Variants in FRMD6 observed in about 807,000 individuals in gnomAD.
FRMD6 encodes FERM domain-containing protein 6.
FRMD6 carries 37 observed loss-of-function variants against 73.2 expected under a neutral mutation model. The observed-to-expected ratio is 0.51, with a 90% CI of 0.39 to 0.66. The LOEUF (loss-of-function observed/expected upper bound fraction) is 0.66. Ranked by LOEUF, FRMD6 falls within the 30% of genes least tolerant of loss-of-function variation. FRMD6 has a pLI of 0.00. For synonymous variants in FRMD6, 273 were observed against 282.2 expected, an observed-to-expected ratio of 0.97 and a Z score of 0.33; for missense variants, 714 against 780.5, an observed-to-expected ratio of 0.91 and a Z score of 1.02.
the FRMD6 span, among the ~76,000 whole-genome samples, chr14:51,406,539 C>T: frequency 2.0e-5 from 3 of 152,124 alleles, no homozygotes; most frequent in African/African-American, 7.2e-5. Context: ...TCTTTCACCT[C>T]CCTGGTTAGC....
At chr14:51,590,153 G>GA (rs1303715256) in intron 2 of FRMD6, among the ~76,000 whole-genome samples, 1 of 147,770 alleles carries the variant, frequency 6.8e-6, no homozygotes, top group Non-Finnish European at 1.5e-5. Flanking sequence ...TAAAAATATA[G>GA]AAAAAAATAG....
intron 1 of FRMD6, among the ~76,000 whole-genome samples, chr14:51,564,739 C>G (rs1348962502): frequency 6.6e-6 from 1 of 152,194 alleles, no homozygotes; most frequent in African/African-American, 2.4e-5. Flanking sequence ...GTTCTCCTAA[C>G]AGTTAAAGGG....
chr14:51,530,814 C>T (rs552275121), intron 1 of FRMD6, among the ~76,000 whole-genome samples: 1 of 152,262 alleles, frequency 6.6e-6, no homozygotes, highest in African/African-American at 2.4e-5. Context: ...TAGAAAAGGA[C>T]AAACAGTAAC....
chr14:51,695,849 C>T (rs977865238), intron 2 of FRMD6, among the ~76,000 whole-genome samples: 1 of 152,072 alleles, frequency 6.6e-6, no homozygotes, highest in Admixed American at 6.6e-5. Context: ...AGCAGTAAAC[C>T]CATTCTTCTT....
At chr14:51,411,503 G>A in the FRMD6 span, among the ~76,000 whole-genome samples, 1 of 152,108 alleles carries the variant, frequency 6.6e-6, no homozygotes, top group African/African-American at 2.4e-5. Flanking sequence ...TCTCCCTTGG[G>A]GAACCTCCCC....
the FRMD6 span, among the ~76,000 whole-genome samples, chr14:51,462,602 AGT>A: frequency 6.6e-6 from 1 of 152,164 alleles, no homozygotes; most frequent in African/African-American, 2.4e-5. Flanking sequence ...GCTGGATATT[AGT>A]GTATGTGTCT....
intron 1 of FRMD6, among the ~76,000 whole-genome samples, chr14:51,529,051 A>T (rs923803703): frequency 6.6e-6 from 1 of 152,222 alleles, no homozygotes; most frequent in Non-Finnish European, 1.5e-5. Flanking sequence ...ACGCTTTCCA[A>T]GGCACACAAG....
intron 2 of FRMD6, among the ~76,000 whole-genome samples, chr14:51,577,177 C>T (rs1278595888): frequency 5.3e-5 from 8 of 152,064 alleles, no homozygotes; most frequent in Admixed American, 6.6e-5. Context: ...TGAGCTAGTC[C>T]TTCTCAGAAG....
chr14:51,596,727 T>C (rs1889737132), intron 2 of FRMD6, among the ~76,000 whole-genome samples: 3 of 152,142 alleles, frequency 2.0e-5, no homozygotes, highest in Admixed American at 2.0e-4. Flanking sequence ...GGGTGAGAGT[T>C]ACTCTGAGCA....
At chr14:51,600,455 G>A (rs1274593419) in intron 2 of FRMD6, among the ~76,000 whole-genome samples, 2 of 152,202 alleles carry the variant, frequency 1.3e-5, no homozygotes, top group Non-Finnish European at 2.9e-5. Flanking sequence ...AATTACCAAA[G>A]GGAGAAGAGT....
chr14:51,595,784 G>T (rs1325388554), intron 2 of FRMD6, among the ~76,000 whole-genome samples: 2 of 152,178 alleles, frequency 1.3e-5, no homozygotes, highest in Admixed American at 1.3e-4. Flanking sequence ...ACAACAGTTT[G>T]CCTTCCTTAG....
At chr14:51,468,858 A>G in the FRMD6 span, among the ~76,000 whole-genome samples, 1 of 152,174 alleles carries the variant, frequency 6.6e-6, no homozygotes, top group Non-Finnish European at 1.5e-5. Context: ...TGCTTTTTCT[A>G]CATCTATTGA....
intron 1 of FRMD6, among the ~76,000 whole-genome samples, chr14:51,679,256 A>T (rs1224890545): frequency 6.7e-6 from 1 of 150,112 alleles, no homozygotes; most frequent in East Asian, 2.0e-4. Context: ...AGACAAAAGG[A>T]AGGATTTTTT....
chr14:51,578,932 G>A (rs558331690), intron 2 of FRMD6: 3 of 152,166 alleles, frequency 2.0e-5, no homozygotes, highest in Non-Finnish European at 4.4e-5. Flanking sequence ...TGTGGCTATG[G>A]GAAGGTAATA....
intron 2 of FRMD6, among the ~76,000 whole-genome samples, chr14:51,577,389 A>G (rs148053949): frequency 2.0e-5 from 3 of 152,336 alleles, no homozygotes; most frequent in East Asian, 3.8e-4. Context: ...AGCCACTATC[A>G]TCATCATGAT....
At chr14:51,678,678 G>T (rs1185707299) in intron 1 of FRMD6, among the ~76,000 whole-genome samples, 1 of 152,122 alleles carries the variant, frequency 6.6e-6, no homozygotes, top group Non-Finnish European at 1.5e-5. Flanking sequence ...GTGACATAAG[G>T]ATGCTGACAG....
chr14:51,613,749 A>G (rs986891594), intron 2 of FRMD6, among the ~76,000 whole-genome samples: 12 of 152,034 alleles, frequency 7.9e-5, no homozygotes, highest in African/African-American at 2.9e-4. Flanking sequence ...GAGCCCTTTG[A>G]AAAACTGATG....
At chr14:51,407,000 ATTAT>A in the FRMD6 span, among the ~76,000 whole-genome samples, 2 of 152,154 alleles carry the variant, frequency 1.3e-5, no homozygotes, top group South Asian at 4.1e-4. Flanking sequence ...ACTAGTTCTA[ATTAT>A]TTATTTGAGC....
At chr14:51,442,432 G>A in the FRMD6 span, among the ~76,000 whole-genome samples, 940 of 151,778 alleles carry the variant, frequency 6.2e-3, 11 homozygotes, top group African/African-American at 0.022. Context: ...TTTAGTAATT[G>A]CCCAGTGATA....
Sources: gnomAD v4.1 joint callset for allele counts (sites outside exome capture counted in the v4.1 genomes callset) on GRCh38, gnomAD v4.1.1 for gene constraint, MANE v1.5 for transcripts, NCBI Gene and HGNC (gene_info 2026-07-23, HGNC 2026-07-21) for gene names.